AAK1: variants seen among roughly 807,000 people sequenced by gnomAD.
AAK1 encodes the protein AP2-associated protein kinase 1.
A neutral mutation model predicts 116.0 loss-of-function variants in AAK1; 37 were observed. That is an observed-to-expected ratio of 0.32 (90% CI 0.25 to 0.42). The LOEUF (loss-of-function observed/expected upper bound fraction) is 0.42. Ranked by LOEUF, AAK1 falls within the 10% of genes least tolerant of loss-of-function variation. The pLI, the probability that AAK1 is intolerant of heterozygous loss-of-function variation, is 1.00. For missense variants in AAK1, 919 were observed against 1,170.6 expected, an observed-to-expected ratio of 0.79 and a Z score of 3.14; for synonymous variants, 458 against 439.9, an observed-to-expected ratio of 1.04 and a Z score of -0.51.
At position 69,571,838 on chromosome 2, in the gene AAK1, C is replaced by G. The variant is rs117786693; in HGVS notation, c.164-14860G>C. Among the ~76,000 whole-genome samples the G allele has an allele frequency of 1.3e-4, 20 of 152,196 alleles. No individual in the cohort carries two copies. In the East Asian group the frequency reaches 2.3e-3, roughly 18 times the overall value. The stretch of plus-strand genomic sequence containing the variant: ...TGCACTGTTACCTTTCTTGAGCTGA[C>G]GGATCAGTGTTAGGGAGGACAGGAG... On this transcript the variant is annotated intron_variant, in intron 2 of 21. Coordinates refer to ENST00000409085, the MANE Select transcript of AAK1 (RefSeq NM_014911.5).
At chr2:69,485,186 A>G (rs1675245649) in intron 17 of AAK1, among the ~76,000 whole-genome samples, 1 of 152,234 alleles carries the variant, frequency 6.6e-6, no homozygotes, top group Non-Finnish European at 1.5e-5. Context: ...GCTTCTTTTA[A>G]GTTAGCACTC....
chr2:69,604,874 A>C (rs953746216), intron 2 of AAK1, among the ~76,000 whole-genome samples: 1 of 152,080 alleles, frequency 6.6e-6, no homozygotes, highest in Non-Finnish European at 1.5e-5. Flanking sequence ...CTAGACTCTA[A>C]ATTTTGGCTA....
In AAK1 at chr2:69,520,884, G is replaced by A. The variant is rs761406931; in HGVS notation, c.1160C>T (p.Ala387Val). 1.3e-5 allele frequency: 21 copies of A among 1,603,084 alleles called. No individual in the cohort carries two copies. The highest frequency in any genetic ancestry group is 1.0e-4 in the South Asian group (9 of 89,488). ...AGTGGCCCTCTTCCGGGGTGTCAGC[G>A]CTGGCTGGATGGGAAGGATTCCTGG... Reference protein sequence around the residue: ...PNPGILPIQPALTPRKRATVQ... With the variant: ...PNPGILPIQPVLTPRKRATVQ... Residue 387 changes from alanine (A) to valine (V), a missense_variant, in exon 11 of 22, where the codon GCG becomes GTG. Ala to Val is a moderately conservative substitution (Grantham distance 64). Coordinates refer to ENST00000409085, the MANE Select transcript of AAK1 (RefSeq NM_014911.5).
intron 12 of AAK1, among the ~76,000 whole-genome samples, chr2:69,517,778 C>CA (rs899762249): frequency 0.024 from 1,398 of 57,450 alleles, 16 homozygotes; most frequent in Middle Eastern, 0.075. Context: ...TGACAAAAAG[C>CA]AAAAAAAAAA....
chr2:69,542,700 T>C (rs746002986), intron 4 of AAK1, 35 bp from the exon 5 acceptor site: 1 of 1,606,244 alleles, frequency 6.2e-7, no homozygotes, highest in Non-Finnish European at 8.5e-7. Flanking sequence ...GGAGACGTTA[T>C]AAACATTCGG....
intron 5 of AAK1, among the ~76,000 whole-genome samples, chr2:69,534,734 T>C (rs773997853): frequency 4.6e-5 from 7 of 152,254 alleles, no homozygotes; most frequent in Non-Finnish European, 1.0e-4. Flanking sequence ...CCCTAAAGTT[T>C]ATGGCTGCTT....
intron 17 of AAK1, among the ~76,000 whole-genome samples, chr2:69,495,478 G>A (rs775652890): frequency 2.0e-5 from 3 of 152,110 alleles, no homozygotes; most frequent in East Asian, 1.9e-4. Context: ...GTCTCCTGAC[G>A]CACATTCCCT....
At chr2:69,486,443 G>A (rs1188091337) in intron 17 of AAK1, among the ~76,000 whole-genome samples, 4 of 152,114 alleles carry the variant, frequency 2.6e-5, no homozygotes, top group African/African-American at 9.7e-5. Flanking sequence ...GTATGGTCAC[G>A]GCTGCTTGGG....
intron 10 of AAK1, among the ~76,000 whole-genome samples, chr2:69,522,527 G>A (rs1669831373): frequency 6.6e-6 from 1 of 152,204 alleles, no homozygotes; most frequent in African/African-American, 2.4e-5. Context: ...AAGCTGGCTG[G>A]GTGTGGTGGC....
intron 18 of AAK1, chr2:69,482,377 T>C (rs1305012046): frequency 1.9e-6 from 1 of 515,266 alleles, no homozygotes; most frequent in Non-Finnish European, 3.4e-6. Context: ...AAAAGAAGAA[T>C]CTGCTAAATT....
chr2:69,632,117 C>G (rs572665747), intron 2 of AAK1, among the ~76,000 whole-genome samples: 4 of 152,256 alleles, frequency 2.6e-5, no homozygotes, highest in Non-Finnish European at 5.9e-5. Context: ...TGATTAAATT[C>G]ACAGCAAATA....
chr2:69,618,101 A>G (rs576189804), intron 2 of AAK1, among the ~76,000 whole-genome samples: 1 of 152,350 alleles, frequency 6.6e-6, no homozygotes, highest in South Asian at 2.1e-4. Context: ...TCCCAGCAAT[A>G]AAATACAAAA....
At chr2:69,608,996 G>A (rs942956405) in intron 2 of AAK1, among the ~76,000 whole-genome samples, 6 of 152,244 alleles carry the variant, frequency 3.9e-5, no homozygotes, top group African/African-American at 1.4e-4. Context: ...GAGACATCTT[G>A]TGTATGTGGA....
At chr2:69,496,224 C>T in intron 16 of AAK1, 144 bp from the exon 17 acceptor site, 1 of 585,766 alleles carries the variant, frequency 1.7e-6, no homozygotes, top group East Asian at 3.1e-5. Flanking sequence ...ATAAAAGTGG[C>T]TGTAGCTCAG....
intron 5 of AAK1, among the ~76,000 whole-genome samples, chr2:69,536,923 C>A (rs1670498302): frequency 6.6e-6 from 1 of 152,222 alleles, no homozygotes; most frequent in African/African-American, 2.4e-5. Flanking sequence ...AATCTCTATT[C>A]TAACAAAGGA....
In AAK1 at chr2:69,467,875, A is replaced by G; in HGVS notation, c.*7994T>C. On this transcript the variant is annotated 3_prime_UTR_variant, in exon 22 of 22. Transcript: ENST00000409085. ...TAGAGAGAGGTCTGAACATTTTATA[A>G]GATACTGTACAAAAATACTATGTTT... The G allele has an allele frequency of 1.0e-6, 1 of 985,406 alleles. No individual in the cohort carries two copies. Among genetic ancestry groups the G allele is most frequent in the Non-Finnish European group, 1.2e-6 (1 of 829,870 alleles). The allele number at this position is 985,406 out of a possible 1,614,324, so 61.0% of individuals were successfully genotyped here.
chr2:69,560,658 T>C, intron 2 of AAK1, among the ~76,000 whole-genome samples: 1 of 152,242 alleles, frequency 6.6e-6, no homozygotes, highest in South Asian at 2.1e-4. Flanking sequence ...TTTTTTTATG[T>C]CCAGAAGAAA....
chr2:69,598,077 T>C (rs1421760391), intron 2 of AAK1: 7 of 719,962 alleles, frequency 9.7e-6, no homozygotes, highest in Non-Finnish European at 1.4e-5. Context: ...GGTGACATAA[T>C]GCAACCACAT....
chr2:69,604,506 T>G (rs1474322870), intron 2 of AAK1, among the ~76,000 whole-genome samples: 2 of 152,142 alleles, frequency 1.3e-5, no homozygotes, highest in Non-Finnish European at 2.9e-5. Flanking sequence ...CCCTCTTACC[T>G]TCTTGCCCCA....
Sources: gnomAD v4.1 joint callset for allele counts (sites outside exome capture counted in the v4.1 genomes callset) on GRCh38, gnomAD v4.1.1 for gene constraint, MANE v1.5 for transcripts, NCBI Gene and HGNC (gene_info 2026-07-23, HGNC 2026-07-21) for gene names.